The following CAPZB variants were observed in gnomAD, a reference collection of about 807,000 sequenced individuals.
CAPZB encodes the protein F-actin-capping protein subunit beta.
Under a neutral mutation model 38.1 loss-of-function variants are expected in CAPZB, and 2 were observed. The ratio of observed to expected loss-of-function variants is 0.05; its 90% CI spans 0.02 to 0.17. CAPZB has a LOEUF of 0.17. Ranked by LOEUF, CAPZB falls within the 10% of genes least tolerant of loss-of-function variation. The probability of loss-of-function intolerance (pLI) is 1.00; values close to 1 mark genes in which losing one functional copy is unlikely to be tolerated. For missense variants in CAPZB, 161 were observed against 334.2 expected, an observed-to-expected ratio of 0.48 and a Z score of 4.04; for synonymous variants, 107 against 127.4, an observed-to-expected ratio of 0.84 and a Z score of 1.08.
intron 2 of CAPZB, among the ~76,000 whole-genome samples, chr1:19,387,401 T>C (rs1453468449): frequency 1.3e-5 from 2 of 152,224 alleles, no homozygotes; most frequent in African/African-American, 4.8e-5. Context: ...AAGGAAGTCC[T>C]GGCTGAGGAA....
intron 1 of CAPZB, among the ~76,000 whole-genome samples, chr1:19,482,085 G>A (rs2094631312): frequency 6.6e-6 from 1 of 152,196 alleles, no homozygotes; most frequent in Admixed American, 6.5e-5. Context: ...AACGGGCGAG[G>A]CACCTGCCCT....
intron 1 of CAPZB, among the ~76,000 whole-genome samples, chr1:19,457,609 C>T (rs142522221): frequency 1.1e-4 from 16 of 152,228 alleles, no homozygotes; most frequent in Non-Finnish European, 1.6e-4. Flanking sequence ...AAATGAGGGA[C>T]GATGTACTGC....
At position 19,405,896 on chromosome 1, in the gene CAPZB, G is replaced by C. The variant is rs186947432; in HGVS notation, c.93+13765C>G. Among the ~76,000 whole-genome samples the C allele has an allele frequency of 9.6e-4, 146 of 152,310 alleles. 1 individual carries two copies. The highest frequency in any genetic ancestry group is 4.1e-4 in the Non-Finnish European group (28 of 68,024). ...GGGCCCATTAGGACCCGAGAGTCTG[G>C]AGCTTCACAAGCGCTGCTCACACCC... On this transcript the variant is annotated intron_variant, in intron 2 of 8. Transcript: ENST00000264202.
At chr1:19,484,158 G>C (rs778626088) in intron 1 of CAPZB, 2 of 1,603,440 alleles carry the variant, frequency 1.2e-6, no homozygotes, top group South Asian at 1.1e-5. Flanking sequence ...ACCACGAGCG[G>C]AGCCAGCACT....
intron 1 of CAPZB, among the ~76,000 whole-genome samples, chr1:19,469,849 G>A (rs938947584): frequency 2.0e-5 from 3 of 151,518 alleles, no homozygotes; most frequent in African/African-American, 2.4e-5. Flanking sequence ...CTTCTGTAAT[G>A]CCCACAAGCA....
chr1:19,459,525 C>T (rs75947349), intron 1 of CAPZB, among the ~76,000 whole-genome samples: 7,276 of 152,142 alleles, frequency 0.048, 271 homozygotes, highest in African/African-American at 0.11. Context: ...AGCCCCCACA[C>T]CTGGGGTAGA....
At chr1:19,361,107 C>A (rs1444030765) in intron 4 of CAPZB, among the ~76,000 whole-genome samples, 1 of 152,136 alleles carries the variant, frequency 6.6e-6, no homozygotes, top group Non-Finnish European at 1.5e-5. Context: ...TCCATGGAGC[C>A]GCATGATCTC....
At chr1:19,370,689 T>C (rs939261137) in intron 4 of CAPZB, among the ~76,000 whole-genome samples, 5 of 152,152 alleles carry the variant, frequency 3.3e-5, no homozygotes, top group African/African-American at 1.2e-4. Flanking sequence ...AGAGCCCTCC[T>C]GAAACCCAAG....
At position 19,422,729 on chromosome 1, in the gene CAPZB, AAACAACAACAACAAC is replaced by A. The variant is rs60458604; in HGVS notation, c.4-2994_4-2980del. 1.1e-4 allele frequency among the ~76,000 whole-genome samples: 16 copies of A among 150,328 alleles called. 1 individual carries two copies. Among genetic ancestry groups the A allele is most frequent in the Non-Finnish European group, 1.9e-4 (13 of 67,680 alleles). On this transcript the variant is annotated intron_variant, in intron 1 of 8. Coordinates refer to ENST00000264202, the MANE Select transcript of CAPZB (RefSeq NM_004930.5). ...GCGACAGAGCGAGACTCCATCTCAA[AAACAACAACAACAAC>A]AACAACAACAACAACAAACCCACAC...
chr1:19,399,514 G>T (rs1480084789), intron 2 of CAPZB, among the ~76,000 whole-genome samples: 1 of 152,168 alleles, frequency 6.6e-6, no homozygotes, highest in Non-Finnish European at 1.5e-5. Context: ...CCAAGGTACT[G>T]CAGGGACTTG....
intron 1 of CAPZB, among the ~76,000 whole-genome samples, chr1:19,459,115 G>T (rs181404922): frequency 6.6e-6 from 1 of 152,148 alleles, no homozygotes; most frequent in Non-Finnish European, 1.5e-5. Flanking sequence ...CCTTCAACCA[G>T]GTCCCATTTT....
rs774844820 is a variant in CAPZB, at chr1:19,357,391, GC to G, written c.471+30del. Reference sequence around the variant, plus strand: ...GTTGGTGTGCCATCTGTACTTAGTGGCCCGGGCCACCAGCTGCTGGGAGGCA... The same window carrying G: ...GTTGGTGTGCCATCTGTACTTAGTGGCCGGGCCACCAGCTGCTGGGAGGCA... On this transcript the variant is annotated intron_variant, in intron 5 of 8. Coordinates refer to ENST00000264202, the MANE Select transcript of CAPZB (RefSeq NM_004930.5). The surrounding 1 kb of genome is among the most constrained non-coding windows in gnomAD (Gnocchi z 4.3). The G allele has an allele frequency of 5.0e-6, 8 of 1,610,714 alleles. No individual in the cohort carries two copies. The Admixed American group carries it at 8.3e-5, about 17-fold the overall frequency.
chr1:19,471,212 G>A (rs894958029), intron 1 of CAPZB, among the ~76,000 whole-genome samples: 47 of 152,330 alleles, frequency 3.1e-4, no homozygotes, highest in Non-Finnish European at 6.6e-4. Context: ...TGGGGTTGAT[G>A]GCGGGTGACT....
At chr1:19,440,791 T>C (rs781393907) in intron 1 of CAPZB, among the ~76,000 whole-genome samples, 30 of 152,334 alleles carry the variant, frequency 2.0e-4, no homozygotes, top group Non-Finnish European at 4.1e-4. Context: ...CCGGGCGCGG[T>C]GGCTCACGCC....
chr1:19,396,901 C>T (rs929291637), intron 2 of CAPZB, among the ~76,000 whole-genome samples: 2 of 151,690 alleles, frequency 1.3e-5, no homozygotes, highest in African/African-American at 4.9e-5. Context: ...TGCAGTGAGC[C>T]GAGATGGCGC....
At chr1:19,452,221 T>C (rs144693084) in intron 1 of CAPZB, among the ~76,000 whole-genome samples, 1 of 152,040 alleles carries the variant, frequency 6.6e-6, no homozygotes, top group Non-Finnish European at 1.5e-5. Context: ...CTGCATGTAC[T>C]ATTCCTTCTG....
intron 1 of CAPZB, among the ~76,000 whole-genome samples, chr1:19,445,548 T>C (rs914269989): frequency 2.6e-5 from 4 of 151,902 alleles, no homozygotes; most frequent in Non-Finnish European, 4.4e-5. Flanking sequence ...TCCCCAAAGG[T>C]AACTGCCAAT....
In CAPZB at chr1:19,402,236, C is replaced by T. The variant is rs183467648; in HGVS notation, c.94-16610G>A. ...GAGAGAACACCTGAATGGTCTGATTCAGAAAGTCCCAGCTCCCTGTGAGGT... is the reference window on the plus strand; with the variant it reads ...GAGAGAACACCTGAATGGTCTGATTTAGAAAGTCCCAGCTCCCTGTGAGGT... On this transcript the variant is annotated intron_variant, in intron 2 of 8. Coordinates refer to ENST00000264202, the MANE Select transcript of CAPZB (RefSeq NM_004930.5). 2.1e-4 allele frequency among the ~76,000 whole-genome samples: 32 copies of T among 152,322 alleles called. 1 individual carries two copies. Among genetic ancestry groups the T allele is most frequent in the African/African-American group, 7.5e-4 (31 of 41,562 alleles).
chr1:19,355,875 C>T (rs1026996536), intron 6 of CAPZB, among the ~76,000 whole-genome samples: 19 of 152,140 alleles, frequency 1.2e-4, no homozygotes, highest in Admixed American at 2.6e-4. Context: ...GAACATGGAC[C>T]TTTATACAAG....
Sources: allele counts gnomAD v4.1 joint callset (sites outside exome capture counted in the v4.1 genomes callset), GRCh38; gene constraint gnomAD v4.1.1; non-coding constraint Gnocchi (gnomAD v3.1); transcripts MANE v1.5; gene names NCBI Gene and HGNC (gene_info 2026-07-23, HGNC 2026-07-21).